Variants in PCDHGA3 observed in about 807,000 individuals in gnomAD.
PCDHGA3 encodes protocadherin gamma subfamily A, 3.
A neutral mutation model predicts 58.5 loss-of-function variants in PCDHGA3; 40 were observed. That is an observed-to-expected ratio of 0.68 (90% CI 0.53 to 0.89). The LOEUF is 0.89. PCDHGA3 is among the 40% of genes least tolerant of loss of function. The pLI is 0.00. For synonymous variants in PCDHGA3, 530 were observed against 525.7 expected (o/e 1.01, Z -0.11); for missense variants, 1,223 against 1,195.9 (o/e 1.02, Z -0.33).
intron 1 of PCDHGA3, chr5:141,390,345 A>G: frequency 6.3e-7 from 1 of 1,576,504 alleles, no homozygotes; most frequent in Non-Finnish European, 8.7e-7. Context: ...TTCACAAGAA[A>G]ATATACATAT....
At chr5:141,457,280 A>G (rs964027392) in intron 1 of PCDHGA3, among the ~76,000 whole-genome samples, 2 of 152,196 alleles carry the variant, frequency 1.3e-5, no homozygotes, top group Admixed American at 1.3e-4. Context: ...TGGGCCTACG[A>G]AGTTCCTTGG....
At chr5:141,370,411 G>A (rs757547025) in intron 1 of PCDHGA3, 2 of 1,566,772 alleles carry the variant, frequency 1.3e-6, no homozygotes, top group South Asian at 1.2e-5. Context: ...AATAGCTCCG[G>A]ATGGAGGGGC....
chr5:141,441,442 C>G (rs938839707), intron 1 of PCDHGA3: 1 of 160,500 alleles, frequency 6.2e-6, no homozygotes, highest in African/African-American at 2.4e-5. Context: ...CTCGTCCAGC[C>G]CAAGCATCAC....
At chr5:141,360,192 C>T in intron 1 of PCDHGA3, 1 of 1,611,916 alleles carries the variant, frequency 6.2e-7, no homozygotes, top group Non-Finnish European at 8.5e-7. Flanking sequence ...TACTGTTGCC[C>T]TTCCTGTTGT....
chr5:141,403,204 G>C, intron 1 of PCDHGA3: 3 of 1,613,952 alleles, frequency 1.9e-6, no homozygotes, highest in Non-Finnish European at 2.5e-6. Flanking sequence ...GCGGCACCTT[G>C]GTCACCGCGG....
chr5:141,379,441 A>G (rs185197715), intron 1 of PCDHGA3: 93 of 152,360 alleles, frequency 6.1e-4, no homozygotes, highest in African/African-American at 2.0e-3. Context: ...TGTTATACAT[A>G]TGATTATTTC....
intron 1 of PCDHGA3, among the ~76,000 whole-genome samples, chr5:141,353,645 C>G (rs1267233696): frequency 6.6e-6 from 1 of 152,156 alleles, no homozygotes; most frequent in Non-Finnish European, 1.5e-5. Flanking sequence ...TATTTTGTCT[C>G]TATTAAAACA....
chr5:141,495,415 C>T (rs1385371906), intron 2 of PCDHGA3, among the ~76,000 whole-genome samples: 1 of 152,194 alleles, frequency 6.6e-6, no homozygotes, highest in Admixed American at 6.5e-5. Context: ...TTCTCCGGCC[C>T]CTCCTCCCAC....
intron 1 of PCDHGA3, chr5:141,394,458 A>C (rs776488659): frequency 6.2e-7 from 1 of 1,614,100 alleles, no homozygotes; most frequent in Non-Finnish European, 8.5e-7. Context: ...CATGTCACTG[A>C]GCCTGTTCGT....
At chr5:141,393,735 G>C (rs1478004701) in intron 1 of PCDHGA3, 3 of 1,613,740 alleles carry the variant, frequency 1.9e-6, no homozygotes, top group Non-Finnish European at 1.7e-6. Context: ...AAAAAGTCTA[G>C]ATTATGAAGA....
At chr5:141,413,561 A>G in intron 1 of PCDHGA3, 1 of 1,613,924 alleles carries the variant, frequency 6.2e-7, no homozygotes. Flanking sequence ...GAAGTAACTG[A>G]TATCAATGAC....
intron 1 of PCDHGA3, chr5:141,372,829 T>C (rs1769106539): frequency 6.5e-7 from 1 of 1,550,378 alleles, no homozygotes; most frequent in Admixed American, 2.0e-5. Flanking sequence ...TTCAAACCTT[T>C]CCTTCCATAA....
intron 3 of PCDHGA3, 157 bp downstream of exon 3, chr5:141,505,638 T>C: frequency 1.0e-6 from 1 of 968,044 alleles, no homozygotes; most frequent in Non-Finnish European, 1.2e-6. Context: ...ACATAAAGCC[T>C]GGAATTGTGG....
chr5:141,347,043 C>G (rs1420277817), intron 1 of PCDHGA3, among the ~76,000 whole-genome samples: 18 of 149,954 alleles, frequency 1.2e-4, no homozygotes, highest in Admixed American at 1.1e-3. Flanking sequence ...TCCTTCCTCT[C>G]TCTCTTTCCT....
At chr5:141,483,584 T>C (rs2099583159) in intron 1 of PCDHGA3, among the ~76,000 whole-genome samples, 1 of 152,064 alleles carries the variant, frequency 6.6e-6, no homozygotes, top group African/African-American at 2.4e-5. Context: ...CATAAACACC[T>C]AATAGGTCAG....
At chr5:141,365,106 C>CTCT (rs1561533219) in intron 1 of PCDHGA3, 1 of 1,613,862 alleles carries the variant, frequency 6.2e-7, no homozygotes, top group South Asian at 1.1e-5. Flanking sequence ...CCTGTGGGCA[C>CTCT]TCGGCTGCTC....
chr5:141,425,845 GT>G (rs2096898477), intron 1 of PCDHGA3, among the ~76,000 whole-genome samples: 1 of 152,126 alleles, frequency 6.6e-6, no homozygotes, highest in Non-Finnish European at 1.5e-5. Context: ...TCTTTGCTGG[GT>G]TAATGACTGT....
In PCDHGA3 at chr5:141,489,984, T is replaced by C; in HGVS notation, c.2425-4823T>C. The C allele has an allele frequency of 1.2e-6, 2 of 1,614,212 alleles. No homozygotes were observed. Among genetic ancestry groups the C allele is most frequent in the South Asian group, 1.1e-5 (1 of 91,090 alleles). ...CAACCTTCCAATCCTCAGTTCTACG[T>C]GTGGGAATCCCAGAGAATGCACCCA... On this transcript the variant is annotated intron_variant, in intron 1 of 3. Transcript: ENST00000253812. The surrounding 1 kb of genome is among the most constrained non-coding windows in gnomAD (Gnocchi z 4.5).
At chr5:141,445,573 A>G (rs1311326050) in intron 1 of PCDHGA3, among the ~76,000 whole-genome samples, 1 of 152,248 alleles carries the variant, frequency 6.6e-6, no homozygotes, top group Admixed American at 6.5e-5. Flanking sequence ...AGCTTATAGT[A>G]GGGAAGCTTC....
Sources: gnomAD v4.1 joint callset for allele counts (sites outside exome capture counted in the v4.1 genomes callset) on GRCh38, gnomAD v4.1.1 for gene constraint, Gnocchi (gnomAD v3.1) non-coding constraint, MANE v1.5 for transcripts, NCBI Gene and HGNC (gene_info 2026-07-23, HGNC 2026-07-21) for gene names.